The following TVP23A variants were observed in gnomAD, a reference collection of about 807,000 sequenced individuals.
TVP23A encodes the protein Golgi apparatus membrane protein TVP23 homolog A.
A neutral mutation model predicts 31.7 loss-of-function variants in TVP23A; 21 were observed. The ratio of observed to expected loss-of-function variants is 0.66; its 90% CI spans 0.47 to 0.95. The LOEUF (loss-of-function observed/expected upper bound fraction) is 0.95. Among genes scored for constraint, TVP23A ranks in the 40% least tolerant of loss-of-function variants. TVP23A has a pLI of 0.00. For missense variants in TVP23A, 279 were observed against 255.6 expected, an observed-to-expected ratio of 1.09 and a Z score of -0.62; for synonymous variants, 104 against 96.0, an observed-to-expected ratio of 1.08 and a Z score of -0.49.
At chr16:10,757,627 C>G (rs1177277675), downstream of TVP23A, among the ~76,000 whole-genome samples, 1 of 152,158 alleles carries the variant, frequency 6.6e-6, no homozygotes, top group Non-Finnish European at 1.5e-5. This position sits in a 1 kb window ranked among gnomAD's most constrained non-coding sequence, Gnocchi z 4.1. Context: ...TTGAGAGCCA[C>G]TGACTTACAG....
At position 10,766,926 on chromosome 16, in the gene TVP23A, C is replaced by T; in HGVS notation, c.*2176G>A. 1 of 398,704 alleles carries T rather than the reference C, an allele frequency of 2.5e-6. No homozygotes were observed. The highest frequency in any genetic ancestry group is 3.6e-5 in the East Asian group (1 of 28,082). 24.7% of individuals were successfully genotyped at this position (398,704 alleles called of 1,614,324 possible). A position where few individuals can be genotyped will look rare whatever the true frequency, so the allele number is the denominator to read the frequency against. On this transcript the variant is annotated 3_prime_UTR_variant, in exon 8 of 8. Transcript: ENST00000299866. This position sits in a 1 kb window ranked among gnomAD's most constrained non-coding sequence, Gnocchi z 4.8. The stretch of plus-strand genomic sequence containing the variant: ...CGAATTGGCCTTATGTTCCCTGCCT[C>T]TGGACCCTATTTTCCTGACTCACTG...
At position 10,799,630 on chromosome 16, in the gene TVP23A, G is replaced by A. The variant is rs182087662; in HGVS notation, c.89+18473C>T. Among the ~76,000 whole-genome samples, 13 of 152,306 alleles carry A rather than the reference G, an allele frequency of 8.5e-5. No homozygotes were observed. The Middle Eastern group carries it at 0.01, about 120-fold the overall frequency. On this transcript the variant is annotated intron_variant, in intron 2 of 7. Transcript: ENST00000299866. Reference sequence around the variant, plus strand: ...ATTATAGGCGTGAGCCTACATGCCCGGCCTGTTGAAGAATTTTAACTCTGC... The same window carrying A: ...ATTATAGGCGTGAGCCTACATGCCCAGCCTGTTGAAGAATTTTAACTCTGC...
At chr16:10,783,367 C>T (rs1007748135) in intron 2 of TVP23A, among the ~76,000 whole-genome samples, 8 of 152,158 alleles carry the variant, frequency 5.3e-5, no homozygotes, top group African/African-American at 1.7e-4. Flanking sequence ...TGCCAAAACT[C>T]AGAAGCAACT....
chr16:10,788,666 G>A (rs921374305), intron 2 of TVP23A, among the ~76,000 whole-genome samples: 2 of 152,178 alleles, frequency 1.3e-5, no homozygotes, highest in African/African-American at 2.4e-5. Flanking sequence ...ATTGAGTACA[G>A]TCACTTAGAT....
At chr16:10,805,408 G>A (rs775952629) in intron 2 of TVP23A, among the ~76,000 whole-genome samples, 2 of 151,822 alleles carry the variant, frequency 1.3e-5, no homozygotes, top group Admixed American at 6.6e-5. Context: ...AGAGCATACC[G>A]GAGGCTTGGA....
chr16:10,793,067 T>C (rs1276656521), intron 2 of TVP23A, among the ~76,000 whole-genome samples: 1 of 152,106 alleles, frequency 6.6e-6, no homozygotes, highest in African/African-American at 2.4e-5. Context: ...GGTGGGTGGA[T>C]CACTTGAGGC....
Position 10,777,702 on chromosome 16 carries a change from C to T in TVP23A, c.90-2606G>A, listed in dbSNP as rs2032136863. On this transcript the variant is annotated intron_variant, in intron 2 of 7. Transcript: ENST00000299866. The surrounding 1 kb of genome is among the most constrained non-coding windows in gnomAD (Gnocchi z 4.5). ...AATGAAAACCAACCCAGGAAGTGCA[C>T]CCGGCTTTTAAGAATTAGACAGGAT... Among the ~76,000 whole-genome samples, 1 of 152,152 alleles carries T rather than the reference C, an allele frequency of 6.6e-6. No individual in the cohort carries two copies.
At chr16:10,762,479 G>A (rs987639419), downstream of TVP23A, among the ~76,000 whole-genome samples, 2 of 152,220 alleles carry the variant, frequency 1.3e-5, no homozygotes, top group Non-Finnish European at 2.9e-5. Flanking sequence ...GCGCCCACTC[G>A]CCGCGGGGCG....
intron 2 of TVP23A, among the ~76,000 whole-genome samples, chr16:10,794,093 G>A (rs1169187129): frequency 1.3e-5 from 2 of 151,970 alleles, no homozygotes; most frequent in African/African-American, 4.8e-5. Flanking sequence ...GGGCAGAAGA[G>A]CCCTGAGACA....
chr16:10,807,857 C>T (rs927725341), intron 2 of TVP23A, among the ~76,000 whole-genome samples: 6 of 152,126 alleles, frequency 3.9e-5, no homozygotes, highest in African/African-American at 1.4e-4. Context: ...GTCTAGAGCC[C>T]GATTCCAAGG....
Position 10,767,807 on chromosome 16 carries a change from T to G in TVP23A, c.*1295A>C. 5 of 716,520 alleles carry G rather than the reference T, an allele frequency of 7.0e-6. No homozygotes were observed. The South Asian group carries it at 7.1e-5, about 10-fold the overall frequency. The allele number at this position is 716,520 out of a possible 1,614,324, so 44.4% of individuals were successfully genotyped here. A position where few individuals can be genotyped will look rare whatever the true frequency, so the allele number is the denominator to read the frequency against. Reference sequence around the variant, plus strand: ...AGGAAGGTCCCTGAGACCCCACTGGTCTTTTCTACTTTGTTCTTCATTACG... The same window carrying G: ...AGGAAGGTCCCTGAGACCCCACTGGGCTTTTCTACTTTGTTCTTCATTACG... On this transcript the variant is annotated 3_prime_UTR_variant, in exon 8 of 8. Coordinates refer to ENST00000299866, the MANE Select transcript of TVP23A (RefSeq NM_001079512.4). This position sits in a 1 kb window ranked among gnomAD's most constrained non-coding sequence, Gnocchi z 4.6.
At position 10,770,271 on chromosome 16, in the gene TVP23A, C is replaced by T. The variant is rs1011963933; in HGVS notation, c.*1G>A. The T allele has an allele frequency of 7.1e-6, 11 of 1,550,826 alleles. No homozygotes were observed. The highest frequency in any genetic ancestry group is 9.6e-6 in the Non-Finnish European group (11 of 1,146,802). On this transcript the variant is annotated splice_donor_variant, in intron 7 of 7. Coordinates refer to ENST00000299866, the MANE Select transcript of TVP23A (RefSeq NM_001079512.4). LOFTEE classifies it low-confidence loss of function (3UTR_SPLICE). ...CACGGGTGCCATGATCCATTTCTCA[C>T]CTAATGCTGGTGAATCTCCAGCCCC...
chr16:10,814,813 C>A (rs968665520), intron 2 of TVP23A, among the ~76,000 whole-genome samples: 1 of 152,216 alleles, frequency 6.6e-6, no homozygotes, highest in Non-Finnish European at 1.5e-5. Flanking sequence ...ACAGCCCCAT[C>A]CTCATAGAAG....
At chr16:10,773,221 A>G (rs1202166288) in intron 5 of TVP23A, 92 bp downstream of exon 5, 1 of 1,404,210 alleles carries the variant, frequency 7.1e-7, no homozygotes, top group Non-Finnish European at 9.6e-7. Flanking sequence ...TTGATCAATC[A>G]ATCAATAACA....
intron 2 of TVP23A, among the ~76,000 whole-genome samples, chr16:10,811,700 C>T (rs951505638): frequency 6.6e-6 from 1 of 151,756 alleles, no homozygotes; most frequent in Admixed American, 6.6e-5. Context: ...GTCAGGAGAT[C>T]GAGACCATCC....
chr16:10,760,287 G>A (rs541455674), downstream of TVP23A, among the ~76,000 whole-genome samples: 6 of 152,356 alleles, frequency 3.9e-5, no homozygotes, highest in South Asian at 6.2e-4. Context: ...AGCCACAGAC[G>A]GTGCCTAGAG....
At chr16:10,801,740 G>A (rs751918732) in intron 2 of TVP23A, among the ~76,000 whole-genome samples, 17 of 152,110 alleles carry the variant, frequency 1.1e-4, no homozygotes, top group Non-Finnish European at 1.6e-4. Flanking sequence ...ATGAGCCACC[G>A]CCCAGCCTCT....
chr16:10,801,192 GA>G (rs538889572), intron 2 of TVP23A, among the ~76,000 whole-genome samples: 172 of 145,398 alleles, frequency 1.2e-3, no homozygotes, highest in Admixed American at 4.1e-3. Context: ...GATGACGAAA[GA>G]AAAAAAAAAT....
At chr16:10,786,271 T>G (rs1276699506) in intron 2 of TVP23A, among the ~76,000 whole-genome samples, 1 of 152,098 alleles carries the variant, frequency 6.6e-6, no homozygotes, top group Non-Finnish European at 1.5e-5. Flanking sequence ...GATCTAACAA[T>G]GTCTTTAAAA....
Sources: gnomAD v4.1 joint callset for allele counts (sites outside exome capture counted in the v4.1 genomes callset) on GRCh38, gnomAD v4.1.1 for gene constraint, Gnocchi (gnomAD v3.1) non-coding constraint, MANE v1.5 for transcripts, NCBI Gene and HGNC (gene_info 2026-07-23, HGNC 2026-07-21) for gene names.